Variants in BTN3A3 observed in about 807,000 individuals in gnomAD.
The protein encoded by BTN3A3 is butyrophilin 3.
In BTN3A3, 39 loss-of-function variants were observed where a neutral mutation model predicts 43.2. That is an observed-to-expected ratio of 0.90 (90% CI 0.70 to 1.18). BTN3A3 has a LOEUF of 1.18. Ranked by LOEUF, BTN3A3 falls within the 50% of genes most tolerant of loss-of-function variation. BTN3A3 has a pLI of 0.00. For missense variants in BTN3A3, 631 were observed against 722.8 expected (o/e 0.87, Z 1.46); for synonymous variants, 255 against 272.7 (o/e 0.93, Z 0.64).
At chr6:26,443,828 G>A in intron 3 of BTN3A3, 129 bp from the exon 4 acceptor site, 1 of 1,479,152 alleles carries the variant, frequency 6.8e-7, no homozygotes, top group Non-Finnish European at 9.3e-7. Context: ...AGAGACAAAT[G>A]GTCCTTCTGT....
chr6:26,450,703 G>A (rs1183830446), intron 10 of BTN3A3, among the ~76,000 whole-genome samples: 1 of 152,102 alleles, frequency 6.6e-6, no homozygotes, highest in Non-Finnish European at 1.5e-5. Context: ...CGGAAAGGAG[G>A]GATAAGGGTA....
intron 5 of BTN3A3, among the ~76,000 whole-genome samples, chr6:26,447,741 G>T (rs1284999441): frequency 6.6e-6 from 1 of 152,006 alleles, no homozygotes. Context: ...TATAGATTAG[G>T]CCACTACAAA....
At chr6:26,448,528 C>G (rs1276768089) in intron 6 of BTN3A3, 80 bp downstream of exon 6, 1 of 1,609,310 alleles carries the variant, frequency 6.2e-7, no homozygotes, top group African/African-American at 1.3e-5. Flanking sequence ...CCCACCCTGA[C>G]ACTGCATCAA....
chr6:26,451,122 G>A (rs1762919337), intron 10 of BTN3A3, among the ~76,000 whole-genome samples: 3 of 152,206 alleles, frequency 2.0e-5, no homozygotes, highest in Non-Finnish European at 2.9e-5. Context: ...AGACGGCCTT[G>A]CAGCTATTAG....
chr6:26,442,600 C>T (rs115017759), intron 1 of BTN3A3, among the ~76,000 whole-genome samples: 2,504 of 152,268 alleles, frequency 0.016, 49 homozygotes, highest in Middle Eastern at 0.068. Flanking sequence ...ATTGAATTCC[C>T]TCTGAGGGAT....
At chr6:26,445,611 G>T in intron 4 of BTN3A3, 93 bp from the exon 5 acceptor site, 2 of 1,439,462 alleles carry the variant, frequency 1.4e-6, no homozygotes, top group East Asian at 2.3e-5. Flanking sequence ...AATCTTCCTT[G>T]GATTATCAAA....
chr6:26,449,625 G>T, intron 8 of BTN3A3, 37 bp from the exon 9 acceptor site: 1 of 1,613,480 alleles, frequency 6.2e-7, no homozygotes, highest in Non-Finnish European at 8.5e-7. Flanking sequence ...AGCAAAGGCA[G>T]TGTTCAGGTG....
intron 10 of BTN3A3, among the ~76,000 whole-genome samples, chr6:26,450,915 A>G (rs1762913880): frequency 6.6e-6 from 1 of 152,212 alleles, no homozygotes; most frequent in Admixed American, 6.5e-5. Context: ...GCAGGAGAAT[A>G]AACAGTGTGT....
intron 8 of BTN3A3, 155 bp from the exon 9 acceptor site, chr6:26,449,507 G>A: frequency 1.3e-6 from 1 of 754,904 alleles, no homozygotes; most frequent in Non-Finnish European, 2.2e-6. Flanking sequence ...ATATTAAGAA[G>A]AAGAGGTGAA....
intron 8 of BTN3A3, among the ~76,000 whole-genome samples, chr6:26,448,994 G>A (rs186268574): frequency 1.2e-3 from 189 of 152,052 alleles, no homozygotes; most frequent in African/African-American, 4.4e-3. Flanking sequence ...TGTACTAGGG[G>A]CCACAGACCT....
At chr6:26,448,807 T>C in intron 8 of BTN3A3, 53 bp downstream of exon 8, 3 of 1,609,278 alleles carry the variant, frequency 1.9e-6, no homozygotes, top group South Asian at 2.2e-5. Context: ...TATGACTCTC[T>C]TCTGCTTGGA....
chr6:26,448,668 A>G, intron 7 of BTN3A3, 31 bp downstream of exon 7: 1 of 1,613,954 alleles, frequency 6.2e-7, no homozygotes, highest in South Asian at 1.1e-5. Flanking sequence ...AGACCCAGGC[A>G]TGTCTTCTTA....
At chr6:26,445,261 C>CGGTGG in intron 4 of BTN3A3, 1 of 177,384 alleles carries the variant, frequency 5.6e-6, no homozygotes. Context: ...AGTGCAATCC[C>CGGTGG]TTGCCTCATG....
In BTN3A3 at chr6:26,452,676, A is replaced by G; in HGVS notation, c.*265A>G. On this transcript the variant is annotated 3_prime_UTR_variant, in exon 11 of 11. Transcript: ENST00000244519. ...CCCTGTCGGGTAGTCATATTTTGCA[A>G]GTATGGAAGCTGAGGCAGGGCAACA... 2.5e-6 allele frequency: 1 copy of G among 406,086 alleles called. No individual in the cohort carries two copies. The highest frequency in any genetic ancestry group is 4.4e-6 in the Non-Finnish European group (1 of 227,592). The allele number at this position is 406,086 out of a possible 1,614,324, so 25.2% of individuals were successfully genotyped here.
intron 8 of BTN3A3, 158 bp from the exon 9 acceptor site, chr6:26,449,504 G>C: frequency 2.7e-6 from 2 of 749,262 alleles, no homozygotes; most frequent in Non-Finnish European, 4.5e-6. Flanking sequence ...TTGATATTAA[G>C]AAGAAGAGGT....
Position 26,452,120 on chromosome 6 carries a change from C to T in BTN3A3, c.1464C>T (p.His488=), listed in dbSNP as rs898596549. The T allele has an allele frequency of 1.5e-5, 25 of 1,614,032 alleles. No homozygotes were observed. The East Asian group carries it at 1.8e-4, about 12-fold the overall frequency. The stretch of plus-strand genomic sequence containing the variant: ...GATCTCATATCTACACCTTTCCGCA[C>T]GCCTCTTTCTCTGAGCCTCTATATC... The part of the protein sequence containing the change: ...TDGSHIYTFP[H]ASFSEPLYPV... Residue 488 remains histidine, a synonymous_variant, in exon 11 of 11, where the codon CAC becomes CAT. Coordinates refer to ENST00000244519, the MANE Select transcript of BTN3A3 (RefSeq NM_006994.5).
Position 26,448,759 on chromosome 6 carries a change from G to T in BTN3A3, c.964+5G>T. 2 of 1,613,732 alleles carry T rather than the reference G, an allele frequency of 1.2e-6. No individual in the cohort carries two copies. Among genetic ancestry groups the T allele is most frequent in the African/African-American group, 2.7e-5 (2 of 74,916 alleles). On this transcript the variant is annotated splice_donor_5th_base_variant and intron_variant, in intron 8 of 10. Transcript: ENST00000244519. ...GGAAAATCCAGTACATGGCTCGTGA[G>T]TGACTCTGACATTTTCTCTGAATTT...
chr6:26,447,927 C>G (rs1241219989), intron 5 of BTN3A3, among the ~76,000 whole-genome samples: 1 of 152,090 alleles, frequency 6.6e-6, no homozygotes, highest in Non-Finnish European at 1.5e-5. Context: ...AGTTGCATAA[C>G]TTTATGTACA....
chr6:26,444,489 C>T (rs1323619862), intron 4 of BTN3A3, 185 bp downstream of exon 4: 39 of 967,842 alleles, frequency 4.0e-5, no homozygotes, highest in Non-Finnish European at 5.8e-5. Flanking sequence ...AGAATTCCTG[C>T]TGTACCTTAC....
Sources: gnomAD v4.1 joint callset for allele counts (sites outside exome capture counted in the v4.1 genomes callset) on GRCh38, gnomAD v4.1.1 for gene constraint, MANE v1.5 for transcripts, NCBI Gene and HGNC (gene_info 2026-07-23, HGNC 2026-07-21) for gene names.